The following ALDH3B2 variants were observed in gnomAD, a reference collection of about 807,000 sequenced individuals.
The protein encoded by ALDH3B2 is aldehyde dehydrogenase 3 family member B2.
ALDH3B2 carries 45 observed loss-of-function variants against 36.7 expected under a neutral mutation model. That is an observed-to-expected ratio of 1.23 (90% CI 0.97 to 1.57). The LOEUF (loss-of-function observed/expected upper bound fraction) is 1.57, where lower values mean the gene tolerates loss of function less well. Ranked by LOEUF, ALDH3B2 falls within the 40% of genes most tolerant of loss-of-function variation. The pLI is 0.00. For synonymous variants in ALDH3B2, 217 were observed against 226.5 expected (o/e 0.96, Z 0.38); for missense variants, 464 against 513.3 (o/e 0.90, Z 0.93).
At chr11:67,678,148 C>T (rs753847413), upstream of ALDH3B2, among the ~76,000 whole-genome samples, 36 of 152,188 alleles carry the variant, frequency 2.4e-4, no homozygotes, top group Non-Finnish European at 3.4e-4. Flanking sequence ...AAAAAGAGCC[C>T]GCACAGCAAA....
chr11:67,665,982 C>T, intron 6 of ALDH3B2, 140 bp downstream of exon 6: 6 of 1,184,496 alleles, frequency 5.1e-6, no homozygotes, highest in East Asian at 2.4e-5. Flanking sequence ...GTGGCCTATG[C>T]AGGCAGACGG....
At chr11:67,663,293 G>T (rs1173869972) in exon 10 of ALDH3B2, 1 of 1,614,156 alleles carries the variant, frequency 6.2e-7, no homozygotes. Flanking sequence ...GTGGGTAGTG[G>T]ATCTCCTTTA....
At chr11:67,665,223 T>A in intron 7 of ALDH3B2, 62 bp downstream of exon 7, 1 of 1,538,790 alleles carries the variant, frequency 6.5e-7, no homozygotes, top group East Asian at 2.3e-5. Flanking sequence ...GGCCCAGCCG[T>A]GGGCCCTCCA....
At chr11:67,680,481 A>C (rs563823228) in intron 1 of ALDH3B2, among the ~76,000 whole-genome samples, 1 of 152,308 alleles carries the variant, frequency 6.6e-6, no homozygotes, top group Non-Finnish European at 1.5e-5. Context: ...CAGTGGCAAG[A>C]TCTTGGCTCA....
upstream of ALDH3B2, among the ~76,000 whole-genome samples, chr11:67,677,352 T>A (rs1384208878): frequency 6.6e-6 from 1 of 151,724 alleles, no homozygotes; most frequent in Admixed American, 6.6e-5. Context: ...AAAATGAAAA[T>A]CACATGATCA....
At chr11:67,671,612 T>C (rs1166059621) in intron 1 of ALDH3B2, among the ~76,000 whole-genome samples, 1 of 149,762 alleles carries the variant, frequency 6.7e-6, no homozygotes, top group Non-Finnish European at 1.5e-5. Context: ...AATGCTGCGA[T>C]CTCAGCTCAC....
chr11:67,664,618 G>T (rs1425905999), intron 7 of ALDH3B2, 56 bp from the exon 8 acceptor site: 32 of 1,597,722 alleles, frequency 2.0e-5, no homozygotes, highest in Non-Finnish European at 2.7e-5. Flanking sequence ...TGCCCCCAGG[G>T]GTAGGGTAGA....
upstream of ALDH3B2, among the ~76,000 whole-genome samples, chr11:67,678,703 G>C (rs28819504): frequency 7.7e-5 from 4 of 52,086 alleles, no homozygotes; most frequent in Admixed American, 3.0e-4. Context: ...ACACACTATG[G>C]TGTCTATATA....
intron 1 of ALDH3B2, among the ~76,000 whole-genome samples, chr11:67,672,042 C>CATATAT (rs57997475): frequency 1.7e-3 from 84 of 49,460 alleles, no homozygotes; most frequent in African/African-American, 7.8e-3. Context: ...CGATGTACTT[C>CATATAT]ATATATATAT....
intron 2 of ALDH3B2, 103 bp from the exon 3 acceptor site, chr11:67,667,119 T>C (rs904032115): frequency 3.1e-5 from 20 of 654,048 alleles, no homozygotes; most frequent in Admixed American, 1.0e-4. Context: ...ACTGGACATA[T>C]AAATACAGCT....
chr11:67,676,317 T>C (rs1856270620), upstream of ALDH3B2, among the ~76,000 whole-genome samples: 1 of 152,038 alleles, frequency 6.6e-6, no homozygotes, highest in Non-Finnish European at 1.5e-5. Context: ...TTCAAAACCA[T>C]GCAAATAACT....
exon 10 of ALDH3B2, chr11:67,662,233 C>G (rs1160029620): frequency 6.6e-6 from 1 of 152,242 alleles, no homozygotes; most frequent in African/African-American, 2.4e-5. Flanking sequence ...GGAAGGATCC[C>G]AGGCATACAC....
At chr11:67,664,407 T>C in exon 8 of ALDH3B2, 1 of 1,614,100 alleles carries the variant, frequency 6.2e-7, no homozygotes, top group Non-Finnish European at 8.5e-7. Flanking sequence ...TGGCTGCTGT[T>C]GGAGAAGGCG....
chr11:67,663,711 A>G (rs1565245155), exon 9 of ALDH3B2: 2 of 1,613,164 alleles, frequency 1.2e-6, no homozygotes, highest in East Asian at 2.2e-5. Context: ...TGAAGCCCTC[A>G]TTGCCTCCAA....
intron 1 of ALDH3B2, chr11:67,681,103 G>A (rs1216169664): frequency 6.6e-6 from 1 of 152,342 alleles, no homozygotes; most frequent in Non-Finnish European, 1.5e-5. Flanking sequence ...ACCTGAGACT[G>A]GGTAATTTAT....
exon 10 of ALDH3B2, chr11:67,663,286 G>A (rs780926689): frequency 6.2e-7 from 1 of 1,614,154 alleles, no homozygotes; most frequent in Non-Finnish European, 8.5e-7. Flanking sequence ...GTATAGGGTG[G>A]GTAGTGGATC....
intron 1 of ALDH3B2, among the ~76,000 whole-genome samples, chr11:67,673,488 C>T (rs7943880): frequency 0.025 from 3,743 of 152,298 alleles, 163 homozygotes; most frequent in African/African-American, 0.081. Flanking sequence ...TAGGGGAGGG[C>T]CTCTTGGAGG....
Position 67,666,912 on chromosome 11 carries a change from C to T in ALDH3B2, c.24G>A (p.Thr8=), listed in dbSNP as rs572991645. The change falls in exon 3 of 10, where the codon ACG becomes ACA. Residue 8 remains threonine, a synonymous_variant. Coordinates refer to ENST00000349015, the Ensembl canonical transcript of ALDH3B2. ...GCCTGCCAGCAGGGCTCACCAGGTT[C>T]GTGGACCGTGGTTCATCCTTCATCC... 9 of 1,614,184 alleles carry T rather than the reference C, an allele frequency of 5.6e-6. No individual in the cohort carries two copies. In the East Asian group the frequency reaches 1.8e-4, roughly 32 times the overall value.
At chr11:67,664,646 G>A (rs1210588802) in intron 7 of ALDH3B2, 84 bp from the exon 8 acceptor site, 8 of 1,539,072 alleles carry the variant, frequency 5.2e-6, no homozygotes, top group African/African-American at 1.4e-5. Context: ...ACAGGGGCAT[G>A]GGCCAGGGCT....
Sources: gnomAD v4.1 joint callset for allele counts (sites outside exome capture counted in the v4.1 genomes callset) on GRCh38, gnomAD v4.1.1 for gene constraint, MANE v1.5 for transcripts, NCBI Gene and HGNC (gene_info 2026-07-23, HGNC 2026-07-21) for gene names.